ESRRG: variants seen among roughly 807,000 people sequenced by gnomAD.
ESRRG encodes the protein estrogen-related receptor gamma.
Under a neutral mutation model 44.0 loss-of-function variants are expected in ESRRG, and 13 were observed. The observed-to-expected ratio is 0.30, with a 90% confidence interval of 0.19 to 0.47. The LOEUF is 0.47. ESRRG is among the 20% of genes least tolerant of loss of function. The pLI is 1.00. For synonymous variants in ESRRG, 215 were observed against 214.6 expected (o/e 1.00, Z -0.02); for missense variants, 395 against 580.6 (o/e 0.68, Z 3.29).
chr1:216,640,644 G>A (rs998409158), intron 3 of ESRRG, among the ~76,000 whole-genome samples: 15 of 152,278 alleles, frequency 9.9e-5, no homozygotes, highest in Non-Finnish European at 1.8e-4. Context: ...TGGAGTAGAA[G>A]TCTGCATAGC....
intron 1 of ESRRG, among the ~76,000 whole-genome samples, chr1:217,058,870 T>C (rs541296999): frequency 7.3e-6 from 1 of 136,948 alleles, no homozygotes; most frequent in African/African-American, 2.6e-5. Context: ...TAAAACATAA[T>C]ACAATAAACT....
intron 2 of ESRRG, among the ~76,000 whole-genome samples, chr1:216,756,266 G>A (rs982855219): frequency 5.9e-5 from 9 of 152,006 alleles, no homozygotes; most frequent in African/African-American, 1.7e-4. Context: ...TAAATATTAG[G>A]GTTTTTTCTC....
intron 2 of ESRRG, among the ~76,000 whole-genome samples, chr1:216,811,070 T>C (rs1255267337): frequency 6.6e-6 from 1 of 151,922 alleles, no homozygotes; most frequent in African/African-American, 2.4e-5. Context: ...TAACAATGAG[T>C]AAAATACTGG....
At chr1:216,563,428 T>C (rs1227478971) in intron 5 of ESRRG, among the ~76,000 whole-genome samples, 1 of 152,120 alleles carries the variant, frequency 6.6e-6, no homozygotes, top group East Asian at 1.9e-4. Flanking sequence ...ATTAAAGAAA[T>C]TACTGTAGCA....
chr1:216,899,881 G>T (rs921442152), intron 2 of ESRRG, among the ~76,000 whole-genome samples: 3 of 152,044 alleles, frequency 2.0e-5, no homozygotes, highest in African/African-American at 4.8e-5. Context: ...AGGCCCAAAA[G>T]GTAGCTGGAT....
intron 3 of ESRRG, among the ~76,000 whole-genome samples, chr1:216,635,555 A>C (rs1435923073): frequency 6.6e-6 from 1 of 152,186 alleles, no homozygotes; most frequent in Non-Finnish European, 1.5e-5. Flanking sequence ...ACTCCTGAGA[A>C]AAAGTTAGCA....
chr1:216,647,662 C>A (rs561294697), intron 3 of ESRRG, among the ~76,000 whole-genome samples: 1 of 152,154 alleles, frequency 6.6e-6, no homozygotes, highest in African/African-American at 2.4e-5. Flanking sequence ...CTCCCACCAA[C>A]GCTCAGATAT....
intron 5 of ESRRG, among the ~76,000 whole-genome samples, chr1:216,552,108 T>C (rs895702905): frequency 7.9e-5 from 12 of 152,148 alleles, no homozygotes; most frequent in Non-Finnish European, 1.5e-4. Flanking sequence ...TACTTTGTGA[T>C]ATCTAGTTTT....
At chr1:216,957,759 C>T (rs3098285) in intron 1 of ESRRG, among the ~76,000 whole-genome samples, 99,696 of 152,028 alleles carry the variant, frequency 0.66, 35,791 homozygotes, top group Non-Finnish European at 0.82. Flanking sequence ...CAGTGACATG[C>T]TTTTCTTTTT....
intron 1 of ESRRG, among the ~76,000 whole-genome samples, chr1:216,679,780 T>C (rs1164635916): frequency 6.6e-6 from 1 of 152,084 alleles, no homozygotes; most frequent in African/African-American, 2.4e-5. Flanking sequence ...CTCTTCCTCA[T>C]GGACTTGCAA....
intron 2 of ESRRG, among the ~76,000 whole-genome samples, chr1:216,827,997 T>C (rs749875826): frequency 2.0e-4 from 31 of 152,196 alleles, no homozygotes; most frequent in Non-Finnish European, 4.3e-4. Context: ...TTTGCATCTC[T>C]ACCTCTCAGT....
chr1:216,836,542 A>G lies in ESRRG; in HGVS notation c.-14+103040T>C, dbSNP rs76608446. ...CCCAGTGGGAGCCAGGCACAGCACAATAGGATGACCGGGGAAGCGCCAGGA... is the reference window on the plus strand; with the variant it reads ...CCCAGTGGGAGCCAGGCACAGCACAGTAGGATGACCGGGGAAGCGCCAGGA... On this transcript the variant is annotated intron_variant, in intron 2 of 7. Coordinates refer to the ESRRG transcript ENST00000359162. 2.4e-3 allele frequency among the ~76,000 whole-genome samples: 366 copies of G among 152,268 alleles called. 2 individuals carry two copies. Among genetic ancestry groups the G allele is most frequent in the African/African-American group, 8.6e-3 (356 of 41,552 alleles).
At chr1:216,870,204 ATT>A (rs2096240797) in intron 2 of ESRRG, among the ~76,000 whole-genome samples, 1 of 150,958 alleles carries the variant, frequency 6.6e-6, no homozygotes, top group African/African-American at 2.4e-5. Flanking sequence ...AGATGTTAAA[ATT>A]TGGCAAACAT....
At chr1:216,834,273 C>A (rs1355027618) in intron 2 of ESRRG, among the ~76,000 whole-genome samples, 1 of 152,076 alleles carries the variant, frequency 6.6e-6, no homozygotes, top group South Asian at 2.1e-4. Flanking sequence ...CAGTGTCTTG[C>A]ACCTGTAGTC....
At chr1:216,977,341 T>TACACACACACACACACACAC (rs1553749984) in intron 1 of ESRRG, among the ~76,000 whole-genome samples, 13 of 144,082 alleles carry the variant, frequency 9.0e-5, no homozygotes, top group East Asian at 2.1e-4. Context: ...GGAGGATACA[T>TACACACACACACACACACAC]ACACACACAC....
chr1:216,791,912 C>T (rs909487861), intron 2 of ESRRG, among the ~76,000 whole-genome samples: 1 of 152,118 alleles, frequency 6.6e-6, no homozygotes, highest in Non-Finnish European at 1.5e-5. Context: ...CTAGAACCAA[C>T]CCTTCCTTTT....
intron 2 of ESRRG, among the ~76,000 whole-genome samples, chr1:216,771,669 G>A (rs2093387011): frequency 6.6e-6 from 1 of 152,028 alleles, no homozygotes; most frequent in African/African-American, 2.4e-5. Flanking sequence ...CAATTAATAG[G>A]CCTCTACCTA....
intron 2 of ESRRG, among the ~76,000 whole-genome samples, chr1:216,809,214 T>C (rs1321330296): frequency 1.3e-5 from 2 of 151,970 alleles, no homozygotes; most frequent in Admixed American, 6.6e-5. Flanking sequence ...TAACTTTGAC[T>C]CTAAAATTCT....
At chr1:216,919,031 G>C (rs1230202219) in intron 2 of ESRRG, among the ~76,000 whole-genome samples, 1 of 151,788 alleles carries the variant, frequency 6.6e-6, no homozygotes, top group Non-Finnish European at 1.5e-5. Flanking sequence ...CTTAATATCT[G>C]GTATTAGCTG....
Sources: gnomAD v4.1 joint callset for allele counts (sites outside exome capture counted in the v4.1 genomes callset) on GRCh38, gnomAD v4.1.1 for gene constraint, MANE v1.5 for transcripts, NCBI Gene and HGNC (gene_info 2026-07-23, HGNC 2026-07-21) for gene names.